ASIC2: variants seen among roughly 807,000 people sequenced by gnomAD.
The protein encoded by ASIC2 is acid sensing ion channel subunit 2.
Under a neutral mutation model 57.3 loss-of-function variants are expected in ASIC2, and 25 were observed. The ratio of observed to expected loss-of-function variants is 0.44; its 90% CI spans 0.32 to 0.61. The LOEUF is 0.61. ASIC2 is among the 20% of genes least tolerant of loss of function. The pLI is 0.06. For synonymous variants in ASIC2, 319 were observed against 307.5 expected (o/e 1.04, Z -0.39); for missense variants, 641 against 738.1 (o/e 0.87, Z 1.52).
chr17:33,858,059 G>A (rs1914008680), intron 1 of ASIC2, among the ~76,000 whole-genome samples: 1 of 152,152 alleles, frequency 6.6e-6, no homozygotes. Flanking sequence ...GGAGAACTCT[G>A]AGCTCTAGTC....
intron 1 of ASIC2, among the ~76,000 whole-genome samples, chr17:33,631,513 C>G (rs1308412336): frequency 6.6e-6 from 1 of 152,076 alleles, no homozygotes; most frequent in Non-Finnish European, 1.5e-5. Flanking sequence ...GTTTTTGTAT[C>G]TCAGTTTCCT....
chr17:33,933,235 C>T (rs1915984652), intron 1 of ASIC2, among the ~76,000 whole-genome samples: 1 of 152,186 alleles, frequency 6.6e-6, no homozygotes, highest in Non-Finnish European at 1.5e-5. Flanking sequence ...AGAAGCCATC[C>T]CTGATTCACT....
At chr17:33,272,371 A>G (rs1240768920) in intron 1 of ASIC2, among the ~76,000 whole-genome samples, 2 of 152,218 alleles carry the variant, frequency 1.3e-5, no homozygotes, top group Admixed American at 1.3e-4. Flanking sequence ...GCTGTAGTCC[A>G]ATGCTAACAG....
intron 1 of ASIC2, among the ~76,000 whole-genome samples, chr17:33,691,361 C>A (rs1223557585): frequency 2.6e-5 from 4 of 152,160 alleles, no homozygotes; most frequent in Non-Finnish European, 5.9e-5. Flanking sequence ...ATGAAAGCAA[C>A]TATTTCCCCC....
Position 33,292,167 on chromosome 17 carries a change from C to G in ASIC2, c.-52G>C. 1 of 1,020,696 alleles carries G rather than the reference C, an allele frequency of 9.8e-7. No homozygotes were observed. The highest frequency in any genetic ancestry group is 1.2e-6 in the Non-Finnish European group (1 of 855,132). The allele number at this position is 1,020,696 out of a possible 1,614,324, so 63.2% of individuals were successfully genotyped here. ...GGCGGCGGCCCCGGCCGGGCGGAGC[C>G]GCCATGGGAGTCCGCAGCAGCAGTG... On this transcript the variant is annotated 5_prime_UTR_variant, in exon 1 of 10. Coordinates refer to ENST00000225823, the MANE Select transcript of ASIC2 (RefSeq NM_183377.2).
At chr17:34,060,982 C>CAAGA (rs1908951423) in intron 1 of ASIC2, among the ~76,000 whole-genome samples, 1 of 152,110 alleles carries the variant, frequency 6.6e-6, no homozygotes, top group Non-Finnish European at 1.5e-5. Flanking sequence ...CACCCAAATA[C>CAAGA]AAGAATAACA....
chr17:33,578,686 C>T (rs1020815118), intron 1 of ASIC2, among the ~76,000 whole-genome samples: 3 of 152,176 alleles, frequency 2.0e-5, no homozygotes, highest in Non-Finnish European at 2.9e-5. Context: ...CCTCCTCTTC[C>T]CTACACCAAC....
chr17:33,962,917 T>G (rs1597951710), intron 1 of ASIC2, among the ~76,000 whole-genome samples: 2 of 152,252 alleles, frequency 1.3e-5, no homozygotes, highest in East Asian at 3.9e-4. Context: ...AACTACAGAT[T>G]CTGCATCCCC....
At chr17:33,766,546 C>T (rs1910941729) in intron 1 of ASIC2, among the ~76,000 whole-genome samples, 1 of 152,178 alleles carries the variant, frequency 6.6e-6, no homozygotes, top group South Asian at 2.1e-4. Flanking sequence ...TGTGCCTCAC[C>T]AGGGTGTTGA....
intron 1 of ASIC2, among the ~76,000 whole-genome samples, chr17:33,249,616 G>A (rs1908813714): frequency 6.6e-6 from 1 of 152,166 alleles, no homozygotes; most frequent in South Asian, 2.1e-4. Flanking sequence ...GGTATAACAT[G>A]GCCTTCACGC....
At chr17:33,557,396 A>G (rs1265623181) in intron 1 of ASIC2, among the ~76,000 whole-genome samples, 3 of 152,192 alleles carry the variant, frequency 2.0e-5, no homozygotes, top group Non-Finnish European at 4.4e-5. Context: ...ACTATGTGCT[A>G]AGTGCAATGT....
In ASIC2 at chr17:34,149,623, A is replaced by T. The variant is rs113612067; in HGVS notation, c.555+6355T>A. On this transcript the variant is annotated intron_variant, in intron 1 of 9. Coordinates refer to the ASIC2 transcript ENST00000359872. ...GCCAAGAATACAAGGATGAGTGAAG[A>T]CATCAGGCCTTATGAGGAGGGGAGA... 7.9e-4 allele frequency among the ~76,000 whole-genome samples: 120 copies of T among 152,368 alleles called. 1 individual carries two copies. The highest frequency in any genetic ancestry group is 3.4e-3 in the Middle Eastern group (1 of 294).
At chr17:33,469,413 A>G (rs944367650) in intron 1 of ASIC2, among the ~76,000 whole-genome samples, 1 of 152,186 alleles carries the variant, frequency 6.6e-6, no homozygotes, top group Non-Finnish European at 1.5e-5. Flanking sequence ...TCCACAGCAC[A>G]CAAGCACCTG....
At chr17:33,551,481 G>A (rs1455251367) in intron 1 of ASIC2, among the ~76,000 whole-genome samples, 1 of 152,186 alleles carries the variant, frequency 6.6e-6, no homozygotes. Flanking sequence ...CCTTCGTCAA[G>A]TCAAACTTGA....
At chr17:33,826,329 G>T (rs990229646) in intron 1 of ASIC2, among the ~76,000 whole-genome samples, 1 of 152,180 alleles carries the variant, frequency 6.6e-6, no homozygotes, top group East Asian at 1.9e-4. Context: ...GCATATGATG[G>T]AGGGCGCAGA....
intron 1 of ASIC2, among the ~76,000 whole-genome samples, chr17:33,610,830 G>A (rs1028421113): frequency 4.6e-4 from 70 of 152,190 alleles, no homozygotes; most frequent in African/African-American, 1.7e-3. Flanking sequence ...AGGAGGTCGA[G>A]GCTGCAGTGA....
At chr17:33,023,489 CAAAA>C (rs34453291) in intron 6 of ASIC2, among the ~76,000 whole-genome samples, 1 of 124,498 alleles carries the variant, frequency 8.0e-6, no homozygotes. Flanking sequence ...GGCTCCATCT[CAAAA>C]AAAAAAAAAA....
chr17:33,196,987 G>A (rs1460216952), intron 1 of ASIC2, among the ~76,000 whole-genome samples: 1 of 152,228 alleles, frequency 6.6e-6, no homozygotes, highest in Admixed American at 6.5e-5. Flanking sequence ...ATGGGACAGG[G>A]AGAGGAAAGG....
intron 1 of ASIC2, among the ~76,000 whole-genome samples, chr17:33,207,765 G>A (rs977282482): frequency 6.6e-6 from 1 of 152,172 alleles, no homozygotes; most frequent in Non-Finnish European, 1.5e-5. Flanking sequence ...TAGAAAGTAG[G>A]TGCCTCTCAG....
Sources: gnomAD v4.1 joint callset for allele counts (sites outside exome capture counted in the v4.1 genomes callset) on GRCh38, gnomAD v4.1.1 for gene constraint, MANE v1.5 for transcripts, NCBI Gene and HGNC (gene_info 2026-07-23, HGNC 2026-07-21) for gene names.